BCAR3: variants seen among roughly 807,000 people sequenced by gnomAD.
BCAR3 encodes the protein breast cancer anti-estrogen resistance protein 3.
A neutral mutation model predicts 80.1 loss-of-function variants in BCAR3; 37 were observed. The observed-to-expected ratio is 0.46, with a 90% CI of 0.36 to 0.61. The LOEUF (loss-of-function observed/expected upper bound fraction) is 0.61, where lower values mean the gene tolerates loss of function less well. Among genes scored for constraint, BCAR3 ranks in the 20% least tolerant of loss-of-function variants. The probability of loss-of-function intolerance (pLI) is 0.00; values close to 1 mark genes in which losing one functional copy is unlikely to be tolerated. For synonymous variants in BCAR3, 389 were observed against 418.9 expected (o/e 0.93, Z 0.87); for missense variants, 978 against 1,068.2 (o/e 0.92, Z 1.18).
At chr1:93,769,886 G>T (rs1366645432) in intron 2 of BCAR3, among the ~76,000 whole-genome samples, 1 of 152,162 alleles carries the variant, frequency 6.6e-6, no homozygotes, top group Non-Finnish European at 1.5e-5. Context: ...CCACTTGTGG[G>T]CCACCAGGAG....
intron 2 of BCAR3, among the ~76,000 whole-genome samples, chr1:93,739,599 T>G (rs1651109802): frequency 6.6e-6 from 1 of 152,238 alleles, no homozygotes; most frequent in Admixed American, 6.5e-5. Context: ...TTTAATGCTC[T>G]GCGATTGTCA....
At chr1:93,663,026 G>C (rs944428131) in intron 2 of BCAR3, among the ~76,000 whole-genome samples, 9 of 152,036 alleles carry the variant, frequency 5.9e-5, no homozygotes, top group Non-Finnish European at 1.0e-4. Flanking sequence ...TTGGACTTTG[G>C]GGCTTCACCT....
chr1:93,809,462 T>C (rs1653755934), intron 2 of BCAR3, among the ~76,000 whole-genome samples: 1 of 152,086 alleles, frequency 6.6e-6, no homozygotes, highest in South Asian at 2.1e-4. Context: ...TTTGGTACTA[T>C]TTGATCTTAA....
At chr1:93,595,878 GCTTCCCACA>G (rs1408451710) in intron 3 of BCAR3, among the ~76,000 whole-genome samples, 1 of 152,218 alleles carries the variant, frequency 6.6e-6, no homozygotes, top group Non-Finnish European at 1.5e-5. Context: ...AATTCTGTAG[GCTTCCCACA>G]TACAACCTGA....
chr1:93,809,045 G>A (rs181358602), intron 2 of BCAR3, among the ~76,000 whole-genome samples: 2 of 152,316 alleles, frequency 1.3e-5, no homozygotes, highest in South Asian at 2.1e-4. Flanking sequence ...GTAGAAGAGA[G>A]AGAGAAGCGG....
chr1:93,740,614 C>G (rs996234721), intron 2 of BCAR3, among the ~76,000 whole-genome samples: 1 of 152,150 alleles, frequency 6.6e-6, no homozygotes, highest in Non-Finnish European at 1.5e-5. Context: ...GTACTCCCCT[C>G]ACCCCACATG....
At chr1:93,633,825 G>A (rs1357203919) in intron 3 of BCAR3, among the ~76,000 whole-genome samples, 1 of 152,156 alleles carries the variant, frequency 6.6e-6, no homozygotes, top group African/African-American at 2.4e-5. Flanking sequence ...TTAGTTAGTA[G>A]TCAGGGGCTT....
chr1:93,760,357 C>CTAT (rs539637769), intron 2 of BCAR3, among the ~76,000 whole-genome samples: 128 of 151,978 alleles, frequency 8.4e-4, no homozygotes, highest in Admixed American at 3.9e-3. Context: ...GCTTATAAGG[C>CTAT]GATAAAGGTC....
At chr1:93,675,925 C>CAAAAAAAAAAAAAAAAAA (rs58706715) in intron 1 of BCAR3, among the ~76,000 whole-genome samples, 4 of 51,458 alleles carry the variant, frequency 7.8e-5, no homozygotes, top group African/African-American at 2.1e-4. Context: ...AAATAGGAGA[C>CAAAAAAAAAAAAAAAAAA]AAAAAAAAAA....
chr1:93,836,709 A>G (rs1365821620), intron 2 of BCAR3, among the ~76,000 whole-genome samples: 1 of 152,160 alleles, frequency 6.6e-6, no homozygotes, highest in Non-Finnish European at 1.5e-5. Context: ...GCCTGCATGT[A>G]TACATCCAGA....
intron 2 of BCAR3, among the ~76,000 whole-genome samples, chr1:93,729,313 G>A (rs1158904078): frequency 6.6e-6 from 1 of 151,896 alleles, no homozygotes; most frequent in African/African-American, 2.4e-5. Context: ...CTAGAGTTGG[G>A]GAAAATCATC....
At chr1:93,845,485 T>TCATGTTGTCAAG (rs1374948396) in intron 2 of BCAR3, 1 of 65,554 alleles carries the variant, frequency 1.5e-5, no homozygotes, top group Admixed American at 1.5e-4. Flanking sequence ...TATATATATA[T>TCATGTTGTCAAG]ATATATATAT....
intron 2 of BCAR3, among the ~76,000 whole-genome samples, chr1:93,725,657 G>A (rs1010302774): frequency 6.6e-6 from 1 of 152,042 alleles, no homozygotes; most frequent in African/African-American, 2.4e-5. Flanking sequence ...AATGCTCTCT[G>A]TGTCTAATGA....
intron 3 of BCAR3, among the ~76,000 whole-genome samples, chr1:93,610,287 G>A (rs550676337): frequency 4.6e-5 from 7 of 152,196 alleles, no homozygotes; most frequent in Non-Finnish European, 7.3e-5. Flanking sequence ...AACCTTCCCA[G>A]TGAACCTTCT....
intron 2 of BCAR3, among the ~76,000 whole-genome samples, chr1:93,822,450 T>C (rs1571151619): frequency 6.6e-6 from 1 of 151,902 alleles, no homozygotes; most frequent in Non-Finnish European, 1.5e-5. Flanking sequence ...TGCGATTCTC[T>C]TGCCTCAGCC....
chr1:93,562,551 C>CCT, intron 11 of BCAR3, 132 bp from the exon 12 acceptor site: 2 of 672,308 alleles, frequency 3.0e-6, no homozygotes, highest in Non-Finnish European at 4.8e-6. Flanking sequence ...GGGTGGATCA[C>CCT]AAGATCAGGA....
At chr1:93,649,047 AT>A (rs1010311648) in intron 2 of BCAR3, among the ~76,000 whole-genome samples, 2 of 152,242 alleles carry the variant, frequency 1.3e-5, no homozygotes, top group Non-Finnish European at 2.9e-5. Flanking sequence ...GAGAAGAAAA[AT>A]TAAGATGCAT....
chr1:93,613,995 C>T (rs568379010), intron 3 of BCAR3: 41 of 1,543,022 alleles, frequency 2.7e-5, no homozygotes, highest in African/African-American at 4.1e-5. Flanking sequence ...GGGCTTCGGA[C>T]GTTAAAGCCC....
At position 93,803,038 on chromosome 1, in the gene BCAR3, A is replaced by T. The variant is rs564231044; in HGVS notation, c.-63+42529T>A. ...TCAGGAGATGCTCACCTGTTGAAGC[A>T]GTGAGGTGCTTCAAATGTGGGGTGA... On this transcript the variant is annotated intron_variant, in intron 2 of 13. Coordinates refer to the BCAR3 transcript ENST00000370244. Among the ~76,000 whole-genome samples the T allele has an allele frequency of 5.9e-5, 9 of 152,318 alleles. No individual in the cohort carries two copies. In the South Asian group the frequency reaches 1.9e-3, roughly 32 times the overall value.
Sources: allele counts gnomAD v4.1 joint callset (sites outside exome capture counted in the v4.1 genomes callset), GRCh38; gene constraint gnomAD v4.1.1; transcripts MANE v1.5; gene names NCBI Gene and HGNC (gene_info 2026-07-23, HGNC 2026-07-21).